LPP: variants seen among roughly 807,000 people sequenced by gnomAD.
The protein encoded by LPP is lipoma-preferred partner.
A neutral mutation model predicts 60.4 loss-of-function variants in LPP; 38 were observed. The ratio of observed to expected loss-of-function variants is 0.63; its 90% CI spans 0.49 to 0.83. The LOEUF (loss-of-function observed/expected upper bound fraction) is 0.83. LPP is among the 40% of genes least tolerant of loss of function. The probability of loss-of-function intolerance (pLI) is 0.00; values close to 1 mark genes in which losing one functional copy is unlikely to be tolerated. For missense variants in LPP, 902 were observed against 783.6 expected (o/e 1.15, Z -1.80); for synonymous variants, 328 against 290.8 (o/e 1.13, Z -1.30).
At chr3:188,181,526 A>G (rs1340245443) in intron 1 of LPP, among the ~76,000 whole-genome samples, 2 of 152,182 alleles carry the variant, frequency 1.3e-5, no homozygotes, top group Non-Finnish European at 2.9e-5. Flanking sequence ...TGCAGGCCAT[A>G]CATGGTCTCT....
intron 2 of LPP, among the ~76,000 whole-genome samples, chr3:188,237,416 C>G (rs1428408219): frequency 6.6e-6 from 1 of 152,124 alleles, no homozygotes; most frequent in Non-Finnish European, 1.5e-5. Context: ...AATGGTGAAT[C>G]CTTTTTAGAA....
At chr3:188,444,041 T>A (rs967942689) in intron 4 of LPP, among the ~76,000 whole-genome samples, 2 of 152,252 alleles carry the variant, frequency 1.3e-5, no homozygotes, top group Middle Eastern at 3.2e-3. Context: ...CATCTTTGAC[T>A]CTTCCTCAAA....
intron 5 of LPP, among the ~76,000 whole-genome samples, chr3:188,512,470 T>G (rs957612955): frequency 1.9e-5 from 2 of 105,144 alleles, no homozygotes; most frequent in African/African-American, 5.5e-5. Flanking sequence ...GAGAATTGCT[T>G]GAACCTGGGA....
chr3:188,836,281 C>T (rs1241507134), intron 9 of LPP, among the ~76,000 whole-genome samples: 2 of 152,146 alleles, frequency 1.3e-5, no homozygotes, highest in Non-Finnish European at 2.9e-5. Context: ...AAAGATTATT[C>T]CCTTTAGTCT....
intron 3 of LPP, among the ~76,000 whole-genome samples, chr3:188,370,508 C>G (rs1279718790): frequency 6.6e-6 from 1 of 152,178 alleles, no homozygotes; most frequent in Non-Finnish European, 1.5e-5. Context: ...TATCATTTAA[C>G]TCCTCAATTA....
At chr3:188,719,200 T>C (rs1057028169) in intron 8 of LPP, among the ~76,000 whole-genome samples, 2 of 152,244 alleles carry the variant, frequency 1.3e-5, no homozygotes, top group Non-Finnish European at 2.9e-5. Context: ...TTCCTCCACC[T>C]GTAGGTTTCA....
chr3:188,252,281 A>C (rs745455108), intron 2 of LPP, among the ~76,000 whole-genome samples: 3 of 136,714 alleles, frequency 2.2e-5, no homozygotes, highest in African/African-American at 5.4e-5. Context: ...TGATTTCGTA[A>C]ATTTTTTTTC....
At position 188,523,898 on chromosome 3, in the gene LPP, A is replaced by T. The variant is rs115055038; in HGVS notation, c.307-767A>T. The stretch of plus-strand genomic sequence containing the variant: ...CCAAATACTAGGGTCATCTCACTTT[A>T]TAATCCAGACAGATTCTTTGCTTCT... On this transcript the variant is annotated intron_variant, in intron 5 of 11. Coordinates refer to ENST00000617246, the MANE Select transcript of LPP (RefSeq NM_001375462.1). Among the ~76,000 whole-genome samples the T allele has an allele frequency of 1.9e-4, 5 of 25,940 alleles. No homozygotes were observed. In the South Asian group the frequency reaches 5.3e-3, roughly 28 times the overall value. 17.0% of individuals were successfully genotyped at this position (25,940 alleles called of 152,430 possible).
At chr3:188,579,710 A>T (rs566659473) in intron 6 of LPP, among the ~76,000 whole-genome samples, 20 of 151,214 alleles carry the variant, frequency 1.3e-4, no homozygotes, top group African/African-American at 4.6e-4. Flanking sequence ...CTGTAATCTG[A>T]GCTCTTTGGG....
intron 6 of LPP, among the ~76,000 whole-genome samples, chr3:188,559,264 G>A (rs999057598): frequency 6.6e-6 from 1 of 152,044 alleles, no homozygotes; most frequent in Non-Finnish European, 1.5e-5. Flanking sequence ...ACAGGCACCA[G>A]ATTATTCACA....
intron 1 of LPP, among the ~76,000 whole-genome samples, chr3:188,164,324 C>T (rs980865230): frequency 1.3e-5 from 2 of 152,112 alleles, no homozygotes; most frequent in African/African-American, 4.8e-5. Context: ...ATCCAGTGGC[C>T]CATCTTGATA....
chr3:188,155,712 G>A (rs1262792026), intron 1 of LPP, among the ~76,000 whole-genome samples: 1 of 152,064 alleles, frequency 6.6e-6, no homozygotes, highest in Non-Finnish European at 1.5e-5. Context: ...CCAGGGGGCA[G>A]TTAAAGGAAA....
chr3:188,669,914 T>A (rs1159592422), intron 7 of LPP, among the ~76,000 whole-genome samples: 1 of 152,210 alleles, frequency 6.6e-6, no homozygotes, highest in Admixed American at 6.5e-5. Context: ...CGTGGAATAC[T>A]AAGCAGCCAT....
At chr3:188,474,568 A>G (rs997736222) in intron 4 of LPP, among the ~76,000 whole-genome samples, 27 of 152,364 alleles carry the variant, frequency 1.8e-4, no homozygotes, top group Admixed American at 1.8e-3. Context: ...AATGACCACC[A>G]CAGGGTAATG....
chr3:188,163,294 G>C (rs1349691160), intron 1 of LPP, among the ~76,000 whole-genome samples: 1 of 152,148 alleles, frequency 6.6e-6, no homozygotes, highest in East Asian at 1.9e-4. Context: ...CCTTTCATGG[G>C]CTGGATAAGC....
At chr3:188,499,242 T>C (rs1811133406) in intron 5 of LPP, among the ~76,000 whole-genome samples, 1 of 152,228 alleles carries the variant, frequency 6.6e-6, no homozygotes, top group Non-Finnish European at 1.5e-5. Context: ...ATATGTTTTA[T>C]TCTAATCTAC....
chr3:188,752,321 C>T (rs1193049680), intron 8 of LPP, among the ~76,000 whole-genome samples: 5 of 152,070 alleles, frequency 3.3e-5, no homozygotes, highest in South Asian at 2.1e-4. Context: ...CTAGTGAGTG[C>T]GTCTACTCAG....
chr3:188,231,315 G>A (rs142201413), intron 2 of LPP, among the ~76,000 whole-genome samples: 264 of 152,310 alleles, frequency 1.7e-3, no homozygotes, highest in African/African-American at 6.1e-3. Context: ...GTGCTAAGGT[G>A]GAAGTGGACG....
At chr3:188,580,599 A>T (rs9840806) in intron 6 of LPP, among the ~76,000 whole-genome samples, 2 of 152,064 alleles carry the variant, frequency 1.3e-5, no homozygotes, top group Non-Finnish European at 2.9e-5. Flanking sequence ...TGTTGTATTT[A>T]GGGTGGGAAT....
Sources: allele counts gnomAD v4.1 joint callset (sites outside exome capture counted in the v4.1 genomes callset), GRCh38; gene constraint gnomAD v4.1.1; transcripts MANE v1.5; gene names NCBI Gene and HGNC (gene_info 2026-07-23, HGNC 2026-07-21).